The following IARS1 variants were observed in gnomAD, a reference collection of about 807,000 sequenced individuals.
IARS1 encodes the protein isoleucyl-tRNA synthetase 1.
In IARS1, 124 loss-of-function variants were observed where a neutral mutation model predicts 168.2. That is an observed-to-expected ratio of 0.74 (90% confidence interval 0.64 to 0.86). The LOEUF is 0.86. Among genes scored for constraint, IARS1 ranks in the 40% least tolerant of loss-of-function variants. IARS1 has a pLI of 0.00. For synonymous variants in IARS1, 532 were observed against 529.4 expected (o/e 1.00, Z -0.07); for missense variants, 1,452 against 1,515.8 (o/e 0.96, Z 0.70).
intron 28 of IARS1, chr9:92,242,880 T>C (rs1288798727): frequency 7.6e-6 from 2 of 264,522 alleles, no homozygotes; most frequent in African/African-American, 4.5e-5. Flanking sequence ...TAGAAGCCTG[T>C]CTATGCTGAC....
At chr9:92,239,839 T>C (rs1828102705) in intron 30 of IARS1, among the ~76,000 whole-genome samples, 1 of 152,102 alleles carries the variant, frequency 6.6e-6, no homozygotes, top group African/African-American at 2.4e-5. Context: ...TTTGCTAATG[T>C]GGGTGGTGGT....
At chr9:92,285,059 C>T (rs1441423747) in intron 6 of IARS1, among the ~76,000 whole-genome samples, 1 of 152,090 alleles carries the variant, frequency 6.6e-6, no homozygotes, top group East Asian at 1.9e-4. Flanking sequence ...CAAACCTAGG[C>T]CATGAAACAA....
chr9:92,227,610 C>T (rs1825942563), intron 31 of IARS1, among the ~76,000 whole-genome samples: 1 of 151,650 alleles, frequency 6.6e-6, no homozygotes, highest in Non-Finnish European at 1.5e-5. Context: ...GGGCTCCTCA[C>T]TTCTCAGACG....
chr9:92,254,884 C>T (rs1489322529), intron 20 of IARS1, among the ~76,000 whole-genome samples: 2 of 152,146 alleles, frequency 1.3e-5, no homozygotes, highest in Non-Finnish European at 2.9e-5. Context: ...ACGTGGCTGC[C>T]GATCTCCAGT....
intron 1 of IARS1, among the ~76,000 whole-genome samples, chr9:92,289,737 CTTCT>C (rs1836019916): frequency 6.6e-6 from 1 of 152,188 alleles, no homozygotes; most frequent in Non-Finnish European, 1.5e-5. Context: ...AACGATTTAT[CTTCT>C]TTCTGTCCCT....
intron 2 of IARS1, 95 bp downstream of exon 2, chr9:92,289,206 C>CAAAAAA (rs11438082): frequency 2.1e-5 from 7 of 327,456 alleles, no homozygotes; most frequent in Admixed American, 6.2e-5. Context: ...GACTCCATCT[C>CAAAAAA]AAAAAAAAAA....
chr9:92,288,052 G>A, intron 3 of IARS1, 74 bp downstream of exon 3: 1 of 1,531,134 alleles, frequency 6.5e-7, no homozygotes, highest in Non-Finnish European at 8.9e-7. Flanking sequence ...CATCATACTT[G>A]AACATATTAT....
intron 30 of IARS1, among the ~76,000 whole-genome samples, chr9:92,232,464 T>C (rs1005466703): frequency 3.9e-5 from 6 of 152,200 alleles, no homozygotes; most frequent in African/African-American, 9.7e-5. Context: ...GGTGAAGCTA[T>C]GAAGTATGAA....
At chr9:92,219,563 A>C (rs976626609) in intron 33 of IARS1, among the ~76,000 whole-genome samples, 7 of 151,618 alleles carry the variant, frequency 4.6e-5, no homozygotes, top group African/African-American at 1.7e-4. Flanking sequence ...AACTCAAACA[A>C]ATTTACAAGA....
chr9:92,261,615 C>T (rs1266890916), intron 17 of IARS1, among the ~76,000 whole-genome samples: 1 of 152,164 alleles, frequency 6.6e-6, no homozygotes, highest in Non-Finnish European at 1.5e-5. Flanking sequence ...GATTAGTGGG[C>T]TATATCAATA....
chr9:92,214,855 G>A (rs1380174890), intron 33 of IARS1, among the ~76,000 whole-genome samples: 5 of 152,178 alleles, frequency 3.3e-5, no homozygotes, highest in African/African-American at 1.2e-4. Flanking sequence ...AGGGGCGCCC[G>A]CCATTGCCCA....
intron 11 of IARS1, 114 bp downstream of exon 11, chr9:92,271,419 G>A (rs1447935252): frequency 1.7e-5 from 23 of 1,327,984 alleles, no homozygotes; most frequent in Non-Finnish European, 2.0e-5. Context: ...GATTTCATGC[G>A]ATGACAAAAC....
chr9:92,219,986 T>C (rs1398496113), intron 33 of IARS1, among the ~76,000 whole-genome samples: 1 of 148,660 alleles, frequency 6.7e-6, no homozygotes, highest in African/African-American at 2.5e-5. Flanking sequence ...TATTGCGGCA[T>C]TATTCACAAT....
intron 30 of IARS1, among the ~76,000 whole-genome samples, chr9:92,233,250 CTA>C (rs1353464329): frequency 6.6e-6 from 1 of 152,206 alleles, no homozygotes; most frequent in African/African-American, 2.4e-5. Context: ...AGTCATAATT[CTA>C]GTTACCTTAA....
At chr9:92,262,306 T>G (rs1052895543) in intron 17 of IARS1, among the ~76,000 whole-genome samples, 2 of 152,144 alleles carry the variant, frequency 1.3e-5, no homozygotes, top group Admixed American at 6.5e-5. Flanking sequence ...GCACAAAATG[T>G]TAGGTGACAT....
chr9:92,288,245 G>C lies in IARS1; in HGVS notation c.157C>G (p.Leu53Val). ...GCAAGTATATGTCCATAGTGAGGCA[G>C]TCCAGTTGCAAAAGGAGGACCATCA... ...FYDGPPFATG[L>V]PHYGHILAGT... Residue 53 changes from leucine to valine, a missense_variant, in exon 3 of 34, where the codon CTG becomes GTG. Leu to Val is a conservative substitution (Grantham distance 32, BLOSUM62 1). Transcript: ENST00000443024. The C allele has an allele frequency of 3.7e-6, 6 of 1,613,990 alleles. No individual in the cohort carries two copies. The highest frequency in any genetic ancestry group is 5.1e-6 in the Non-Finnish European group (6 of 1,179,894).
chr9:92,212,395 C>T (rs1837905631), intron 33 of IARS1, among the ~76,000 whole-genome samples: 1 of 152,134 alleles, frequency 6.6e-6, no homozygotes, highest in Non-Finnish European at 1.5e-5. Context: ...TAAAAGTTCT[C>T]ACCCACTAAA....
chr9:92,228,000 G>T (rs1826031134), intron 31 of IARS1, among the ~76,000 whole-genome samples: 1 of 152,136 alleles, frequency 6.6e-6, no homozygotes, highest in South Asian at 2.1e-4. Context: ...GGAGATGGAG[G>T]TTGTAGCGAG....
At chr9:92,282,612 A>G (rs1834785012) in intron 6 of IARS1, among the ~76,000 whole-genome samples, 1 of 152,052 alleles carries the variant, frequency 6.6e-6, no homozygotes, top group Non-Finnish European at 1.5e-5. Context: ...CTCTACAAAG[A>G]TAAAAAAATT....
Sources: allele counts gnomAD v4.1 joint callset (sites outside exome capture counted in the v4.1 genomes callset), GRCh38; gene constraint gnomAD v4.1.1; transcripts MANE v1.5; gene names NCBI Gene and HGNC (gene_info 2026-07-23, HGNC 2026-07-21).